ITPRID1: variants seen among roughly 807,000 people sequenced by gnomAD.
The protein encoded by ITPRID1 is ITPR interacting domain containing 1.
Under a neutral mutation model 95.4 loss-of-function variants are expected in ITPRID1, and 96 were observed. The observed-to-expected ratio is 1.01, with a 90% confidence interval of 0.85 to 1.19. ITPRID1 has a LOEUF of 1.19. Ranked by LOEUF, ITPRID1 falls within the 50% of genes most tolerant of loss-of-function variation. The pLI, the probability that ITPRID1 is intolerant of heterozygous loss-of-function variation, is 0.00. For missense variants in ITPRID1, 1,339 were observed against 1,252.9 expected (o/e 1.07, Z -1.04); for synonymous variants, 510 against 453.6 (o/e 1.12, Z -1.58).
At chr7:31,603,411 C>T (rs1699795996) in intron 10 of ITPRID1, among the ~76,000 whole-genome samples, 1 of 151,980 alleles carries the variant, frequency 6.6e-6, no homozygotes, top group Non-Finnish European at 1.5e-5. Flanking sequence ...TCCCCACCCA[C>T]TCCACAGACA....
At chr7:31,620,452 G>GA (rs1787750318) in intron 10 of ITPRID1, among the ~76,000 whole-genome samples, 1 of 151,500 alleles carries the variant, frequency 6.6e-6, no homozygotes, top group Non-Finnish European at 1.5e-5. Flanking sequence ...CGAGATTCAC[G>GA]AAAAATACCT....
chr7:31,554,375 T>C (rs1156908781), intron 3 of ITPRID1, 100 bp from the exon 4 acceptor site: 14 of 1,483,784 alleles, frequency 9.4e-6, no homozygotes, highest in Non-Finnish European at 1.3e-5. Context: ...TGTGACTAAA[T>C]ATGTGGGAAA....
chr7:31,519,620 C>CTCTCTATATATATATATATATATA, intron 1 of ITPRID1, among the ~76,000 whole-genome samples: 8 of 25,262 alleles, frequency 3.2e-4, no homozygotes, highest in Non-Finnish European at 5.1e-4. Context: ...CTCTCTCTCT[C>CTCTCTATATATATATATATATATA]TATATATATA....
downstream of ITPRID1, chr7:31,658,347 A>G (rs762803707): frequency 1.2e-5 from 19 of 1,523,060 alleles, no homozygotes; most frequent in South Asian, 2.3e-4. Flanking sequence ...ATGAAAAAAT[A>G]AAATCAAAAG....
intron 5 of ITPRID1, among the ~76,000 whole-genome samples, chr7:31,558,669 C>A (rs903110523): frequency 3.9e-5 from 6 of 152,056 alleles, no homozygotes; most frequent in Non-Finnish European, 5.9e-5. Context: ...AGTATATTCT[C>A]ACCTCAGAAA....
chr7:31,554,121 A>G (rs2128136953), intron 3 of ITPRID1, among the ~76,000 whole-genome samples: 1 of 152,320 alleles, frequency 6.6e-6, no homozygotes, highest in Admixed American at 6.5e-5. Flanking sequence ...TATATCCAAC[A>G]AGAGAAAGAC....
rs1327996410 is a variant in ITPRID1 at position 31,607,987 on chromosome 7, CTCT to C, written c.1228+24798_1228+24800del. Among the ~76,000 whole-genome samples the C allele has an allele frequency of 3.9e-5, 6 of 152,042 alleles. No homozygotes were observed. The East Asian group carries it at 1.2e-3, about 29-fold the overall frequency. On this transcript the variant is annotated intron_variant, in intron 10 of 14. Transcript: ENST00000615280. ...GTCATGGTTGCAATGCTTATGCTTC[CTCT>C]TATCTCTTTGAAAAGATCAATGATA... is the stretch of plus-strand genomic sequence containing the variant.
At position 31,651,220 on chromosome 7, in the gene ITPRID1, C is replaced by T. The variant is rs1368493099; in HGVS notation, c.2662C>T (p.Leu888Phe). Residue 888 changes from leucine to phenylalanine, a missense_variant, in exon 13 of 15, where the codon CTT (leucine) becomes TTT (phenylalanine). By Grantham distance (22) the Leu-to-Phe change is conservative. Transcript: ENST00000615280. The stretch of plus-strand genomic sequence containing the variant: ...GTATTTAGAAGAAATTGAACAGCAC[C>T]TTATGGGACAGCAGGCCCTCTTTTC... ...REYLEEIEQH[L>F]MGQQALFSRD... The T allele has an allele frequency of 4.3e-6, 7 of 1,613,442 alleles. No individual in the cohort carries two copies. Among genetic ancestry groups the T allele is most frequent in the Middle Eastern group, 1.6e-4 (1 of 6,078 alleles).
chr7:31,591,844 G>C (rs1304945802), intron 10 of ITPRID1, among the ~76,000 whole-genome samples: 1 of 152,084 alleles, frequency 6.6e-6, no homozygotes, highest in Non-Finnish European at 1.5e-5. Flanking sequence ...ATAAATAACT[G>C]TTGTAACAAA....
intron 10 of ITPRID1, among the ~76,000 whole-genome samples, chr7:31,618,745 C>G (rs978081796): frequency 6.6e-6 from 1 of 152,190 alleles, no homozygotes; most frequent in Non-Finnish European, 1.5e-5. Context: ...GCAACTTGCT[C>G]AAGTTCACCC....
chr7:31,542,317 T>G (rs756182000), intron 1 of ITPRID1, among the ~76,000 whole-genome samples: 1 of 152,050 alleles, frequency 6.6e-6, no homozygotes, highest in Non-Finnish European at 1.5e-5. Context: ...CAGCGAAGAG[T>G]CAGCATTTAG....
downstream of ITPRID1, among the ~76,000 whole-genome samples, chr7:31,656,712 G>A (rs1238390042): frequency 1.3e-5 from 2 of 152,088 alleles, no homozygotes; most frequent in East Asian, 1.9e-4. Context: ...ATTTGTGGAC[G>A]GTTTTGACAG....
At position 31,651,951 on chromosome 7, in the gene ITPRID1, G is replaced by C; in HGVS notation, c.2724G>C (p.Glu908Asp). ...TATTTACTTGCAGGGAGGAGGCCGA[G>C]CAACTGCAAACGTTACGTGAGGCCC... ...DMSEEEREEA[E>D]QLQTLREALR... Residue 908 changes from glutamate to aspartate, a missense_variant, in exon 14 of 15, where the codon GAG becomes GAC. Coordinates refer to ENST00000615280, the MANE Select transcript of ITPRID1 (RefSeq NM_001257967.3). 6.3e-7 allele frequency: 1 copy of C among 1,596,656 alleles called. No homozygotes were observed. The highest frequency in any genetic ancestry group is 8.5e-7 in the Non-Finnish European group (1 of 1,171,490).
intron 1 of ITPRID1, among the ~76,000 whole-genome samples, chr7:31,519,612 CTCTCTCTCTATA>C (rs1324895638): frequency 4.7e-4 from 22 of 46,872 alleles, no homozygotes; most frequent in South Asian, 3.2e-3. Flanking sequence ...CTCTCTCTCT[CTCTCTCTCTATA>C]TATATATATA....
At position 31,642,812 on chromosome 7, in the gene ITPRID1, C is replaced by A; in HGVS notation, c.1442C>A (p.Ala481Glu). 2 of 1,613,794 alleles carry A rather than the reference C, an allele frequency of 1.2e-6. No individual in the cohort carries two copies. The highest frequency in any genetic ancestry group is 1.3e-5 in the African/African-American group (1 of 75,036). Residue 481 changes from alanine (A) to glutamate (E), a missense_variant, in exon 12 of 15, where the codon GCG becomes GAG. Transcript: ENST00000615280. ...GATGGGCCAGATTCCAAAAGTAGGG[C>A]GAGCATGTCTTTTTCAAGCCAAGAA... The part of the protein sequence containing the change: ...ESDGPDSKSR[A>E]SMSFSSQEAN...
At chr7:31,540,244 C>T (rs1310643616) in intron 1 of ITPRID1, among the ~76,000 whole-genome samples, 1 of 152,012 alleles carries the variant, frequency 6.6e-6, no homozygotes, top group Non-Finnish European at 1.5e-5. Context: ...TCCATGGACT[C>T]ACTAGACGTG....
intron 5 of ITPRID1, among the ~76,000 whole-genome samples, chr7:31,555,587 T>C (rs1205840831): frequency 1.3e-5 from 2 of 152,122 alleles, no homozygotes; most frequent in African/African-American, 4.8e-5. Context: ...GAAGGCAATA[T>C]TGACTGTAAT....
intron 10 of ITPRID1, among the ~76,000 whole-genome samples, chr7:31,597,911 T>C (rs1015019442): frequency 2.0e-5 from 3 of 152,142 alleles, no homozygotes; most frequent in Non-Finnish European, 4.4e-5. Context: ...ACAGGTGCCA[T>C]AGTTTAAAAA....
rs1156738605 is a variant in ITPRID1 at position 31,642,940 on chromosome 7, TG to T, written c.1571del (p.Cys524LeufsTer47). On this transcript the variant is annotated frameshift_variant, in exon 12 of 15. Transcript: ENST00000615280. LOFTEE classifies it high-confidence loss of function. ...AGAGCTGTATATCCCAGACATGGCC[TG>T]TGCCAAGACCACCACGAGGGGAGAA... ...PPELYIPDMACAKTTTRGECP... is the reference protein window; with the variant it reads ...PPELYIPDMAXAKTTTRGECP... 6.2e-6 allele frequency: 10 copies of T among 1,613,962 alleles called. No individual in the cohort carries two copies. Among genetic ancestry groups the T allele is most frequent in the Non-Finnish European group, 8.5e-6 (10 of 1,179,914 alleles).
Sources: allele counts gnomAD v4.1 joint callset (sites outside exome capture counted in the v4.1 genomes callset), GRCh38; gene constraint gnomAD v4.1.1; transcripts MANE v1.5; gene names NCBI Gene and HGNC (gene_info 2026-07-23, HGNC 2026-07-21).